The following DLGAP1 variants were observed in gnomAD, a reference collection of about 807,000 sequenced individuals.
The protein encoded by DLGAP1 is disks large-associated protein 1.
A neutral mutation model predicts 90.8 loss-of-function variants in DLGAP1; 11 were observed. The observed-to-expected ratio is 0.12, with a 90% CI of 0.08 to 0.20. The LOEUF is 0.20. Ranked by LOEUF, DLGAP1 falls within the 10% of genes least tolerant of loss-of-function variation. The probability of loss-of-function intolerance (pLI) is 1.00; values close to 1 mark genes in which losing one functional copy is unlikely to be tolerated. For synonymous variants in DLGAP1, 558 were observed against 540.7 expected (o/e 1.03, Z -0.44); for missense variants, 1,050 against 1,333.8 (o/e 0.79, Z 3.31).
intron 1 of DLGAP1, among the ~76,000 whole-genome samples, chr18:4,377,321 T>C (rs978137406): frequency 6.6e-5 from 10 of 152,174 alleles, no homozygotes; most frequent in Admixed American, 5.2e-4. Flanking sequence ...AAGTTCTGAA[T>C]AGAAAAGAAC....
At chr18:3,690,988 C>G (rs2060874090) in intron 7 of DLGAP1, among the ~76,000 whole-genome samples, 1 of 152,162 alleles carries the variant, frequency 6.6e-6, no homozygotes, top group African/African-American at 2.4e-5. Context: ...CCATGCAAAA[C>G]AGTATTTGGT....
intron 5 of DLGAP1, among the ~76,000 whole-genome samples, chr18:3,755,746 C>T (rs2063694718): frequency 6.6e-6 from 1 of 151,996 alleles, no homozygotes; most frequent in African/African-American, 2.4e-5. Flanking sequence ...ACTTGACTCT[C>T]AGCAATGGAT....
At chr18:3,893,651 C>G (rs1408919545) in intron 3 of DLGAP1, among the ~76,000 whole-genome samples, 2 of 150,890 alleles carry the variant, frequency 1.3e-5, no homozygotes, top group Non-Finnish European at 3.0e-5. Flanking sequence ...TTGGTGAACA[C>G]AGGTTGACTC....
chr18:3,523,713 G>A (rs1164076910), intron 10 of DLGAP1, among the ~76,000 whole-genome samples: 1 of 152,058 alleles, frequency 6.6e-6, no homozygotes, highest in Non-Finnish European at 1.5e-5. Flanking sequence ...CAGGCGTGGT[G>A]GCGTGCGCCC....
intron 5 of DLGAP1, among the ~76,000 whole-genome samples, chr18:3,793,885 C>T (rs2065863337): frequency 6.6e-6 from 1 of 152,118 alleles, no homozygotes; most frequent in Non-Finnish European, 1.5e-5. Context: ...CCTTCTTAGC[C>T]GTTATCCTAG....
intron 7 of DLGAP1, among the ~76,000 whole-genome samples, chr18:3,635,265 G>T (rs944586599): frequency 6.6e-5 from 10 of 151,934 alleles, no homozygotes; most frequent in Non-Finnish European, 1.3e-4. Flanking sequence ...CGAGTAGCTG[G>T]GACTACAGGC....
At chr18:4,150,622 T>G (rs12953950) in intron 2 of DLGAP1, among the ~76,000 whole-genome samples, 69,703 of 151,990 alleles carry the variant, frequency 0.46, 17,169 homozygotes, top group East Asian at 0.73. Flanking sequence ...TTAGTGGAGA[T>G]GGGGTTTCAC....
chr18:4,189,512 G>T (rs1030004395), intron 1 of DLGAP1, among the ~76,000 whole-genome samples: 1 of 151,992 alleles, frequency 6.6e-6, no homozygotes, highest in Non-Finnish European at 1.5e-5. Context: ...TATTAAGAGG[G>T]ACTCAACATT....
chr18:4,358,564 G>A (rs2081570685), intron 1 of DLGAP1, among the ~76,000 whole-genome samples: 1 of 152,206 alleles, frequency 6.6e-6, no homozygotes, highest in African/African-American at 2.4e-5. Flanking sequence ...TACTCCAAAT[G>A]CAAAGGCATT....
In DLGAP1 at chr18:4,359,948, T is replaced by C. The variant is rs1486881992; in HGVS notation, c.-267+95058A>G. ...GGGATTTATAAACCTGAGGTAAGGA[T>C]CATAAAAAATTAGTATCAAATATGA... is the stretch of plus-strand genomic sequence containing the variant. On this transcript the variant is annotated intron_variant, in intron 1 of 12. Coordinates refer to ENST00000315677, the MANE Select transcript of DLGAP1 (RefSeq NM_004746.4). 2.6e-5 allele frequency among the ~76,000 whole-genome samples: 4 copies of C among 152,190 alleles called. 1 individual carries two copies. Among genetic ancestry groups the C allele is most frequent in the African/African-American group, 9.7e-5 (4 of 41,430 alleles).
chr18:3,716,273 A>T (rs1331307798), intron 7 of DLGAP1, among the ~76,000 whole-genome samples: 1 of 152,226 alleles, frequency 6.6e-6, no homozygotes, highest in African/African-American at 2.4e-5. Flanking sequence ...TCTTGGCTGG[A>T]TATGGTGGCT....
intron 2 of DLGAP1, among the ~76,000 whole-genome samples, chr18:4,114,643 A>G (rs1236467766): frequency 6.6e-6 from 1 of 151,910 alleles, no homozygotes; most frequent in African/African-American, 2.4e-5. Context: ...ACTTCTGCAT[A>G]TATGTTTATA....
At chr18:4,273,493 A>G (rs1262691322) in intron 1 of DLGAP1, among the ~76,000 whole-genome samples, 1 of 152,232 alleles carries the variant, frequency 6.6e-6, no homozygotes, top group Admixed American at 6.5e-5. Context: ...CCTAGGCTGG[A>G]GTGCAGTGGT....
At chr18:3,813,747 A>G (rs1246204585) in intron 5 of DLGAP1, among the ~76,000 whole-genome samples, 1 of 152,086 alleles carries the variant, frequency 6.6e-6, no homozygotes, top group Non-Finnish European at 1.5e-5. Context: ...ATTCTCATTG[A>G]CCAGAAATTT....
rs189567338 is a variant in DLGAP1, at chr18:4,060,828, T to G, written c.-158-55627A>C. On this transcript the variant is annotated intron_variant, in intron 2 of 12. Coordinates refer to ENST00000315677, the MANE Select transcript of DLGAP1 (RefSeq NM_004746.4). Reference sequence around the variant, plus strand: ...CTGGTTATTTGAAAAAGAAAGATGTTTTGGAGAAGTCAGAAAGTCCAAGCA... The same window carrying G: ...CTGGTTATTTGAAAAAGAAAGATGTGTTGGAGAAGTCAGAAAGTCCAAGCA... Among the ~76,000 whole-genome samples the G allele has an allele frequency of 9.9e-5, 15 of 152,222 alleles. No homozygotes were observed. The East Asian group carries it at 2.9e-3, about 29-fold the overall frequency.
chr18:4,026,308 G>A (rs1472016191), intron 2 of DLGAP1, among the ~76,000 whole-genome samples: 6 of 152,198 alleles, frequency 3.9e-5, no homozygotes, highest in African/African-American at 1.4e-4. Flanking sequence ...GTTTTTCAGT[G>A]TGAGATATCC....
intron 1 of DLGAP1, among the ~76,000 whole-genome samples, chr18:4,262,372 ATCTG>A (rs1420464559): frequency 2.0e-5 from 3 of 152,164 alleles, no homozygotes; most frequent in Admixed American, 6.5e-5. Context: ...TGCTGTGCAT[ATCTG>A]TCTAAGTGGG....
chr18:3,768,405 C>G (rs1460027982), intron 5 of DLGAP1, among the ~76,000 whole-genome samples: 2 of 152,038 alleles, frequency 1.3e-5, no homozygotes, highest in African/African-American at 4.8e-5. Context: ...TAATGCAACT[C>G]TTATCAAAAT....
At chr18:4,416,560 T>C (rs552410385) in intron 1 of DLGAP1, among the ~76,000 whole-genome samples, 155 of 152,330 alleles carry the variant, frequency 1.0e-3, no homozygotes, top group African/African-American at 3.4e-3. Context: ...CAGAAGTCTA[T>C]GAACTACCTG....
Sources: gnomAD v4.1 joint callset for allele counts (sites outside exome capture counted in the v4.1 genomes callset) on GRCh38, gnomAD v4.1.1 for gene constraint, MANE v1.5 for transcripts, NCBI Gene and HGNC (gene_info 2026-07-23, HGNC 2026-07-21) for gene names.